The following KIAA0586 variants were observed in gnomAD, a reference collection of about 807,000 sequenced individuals.
KIAA0586 encodes protein TALPID3.
In KIAA0586, 144 loss-of-function variants were observed where a neutral mutation model predicts 169.8. That is an observed-to-expected ratio of 0.85 (90% CI 0.74 to 0.97). The LOEUF is 0.97. Ranked by LOEUF, KIAA0586 falls within the 50% of genes least tolerant of loss-of-function variation. KIAA0586 has a pLI of 0.00. For synonymous variants in KIAA0586, 625 were observed against 612.4 expected, an observed-to-expected ratio of 1.02 and a Z score of -0.30; for missense variants, 1,854 against 1,823.0, an observed-to-expected ratio of 1.02 and a Z score of -0.31.
At chr14:58,453,938 A>G (rs980701597) in intron 9 of KIAA0586, among the ~76,000 whole-genome samples, 1 of 152,172 alleles carries the variant, frequency 6.6e-6, no homozygotes, top group Non-Finnish European at 1.5e-5. Flanking sequence ...AATTATATTT[A>G]TCTTCAACAT....
intron 6 of KIAA0586, among the ~76,000 whole-genome samples, chr14:58,448,039 G>A (rs1311386530): frequency 2.0e-5 from 3 of 152,104 alleles, no homozygotes; most frequent in South Asian, 2.1e-4. Context: ...TCTCTTAGCC[G>A]GCTGCAATGG....
chr14:58,428,436 G>C lies in KIAA0586; in HGVS notation c.172G>C (p.Gly58Arg), dbSNP rs1430210269. The C allele has an allele frequency of 6.2e-7, 1 of 1,613,610 alleles. No individual in the cohort carries two copies. Among genetic ancestry groups the C allele is most frequent in the South Asian group, 1.1e-5 (1 of 91,084 alleles). The change falls in exon 1 of 31, where the codon GGG becomes CGG. Residue 58 changes from glycine (G) to arginine (R), a missense_variant. Gly to Arg is a moderately radical substitution (Grantham distance 125, BLOSUM62 -2). Coordinates refer to ENST00000652326, the MANE Select transcript of KIAA0586 (RefSeq NM_001329943.3). Reference protein sequence around the residue: ...SANKRLPVGTGTSLNGTSRGS... With the variant: ...SANKRLPVGTRTSLNGTSRGS... The stretch of plus-strand genomic sequence containing the variant: ...AAATAAACGTCTTCCTGTTGGAACG[G>C]GGACTAGTTTGAATGGAACATCACG...
intron 29 of KIAA0586, among the ~76,000 whole-genome samples, chr14:58,529,017 G>A (rs1257469342): frequency 2.0e-5 from 3 of 152,054 alleles, no homozygotes; most frequent in Admixed American, 6.5e-5. Context: ...AAATGATAAA[G>A]GGGACATCAC....
intron 26 of KIAA0586, among the ~76,000 whole-genome samples, chr14:58,496,930 TA>T (rs1566900111): frequency 1.3e-5 from 2 of 152,222 alleles, no homozygotes; most frequent in African/African-American, 2.4e-5. Flanking sequence ...AGGAGTCTTA[TA>T]TTTTTTCATT....
intron 4 of KIAA0586, 26 bp downstream of exon 4, chr14:58,432,483 T>C: frequency 1.6e-6 from 2 of 1,276,470 alleles, no homozygotes; most frequent in Non-Finnish European, 2.2e-6. Flanking sequence ...AGAAAATAAT[T>C]GGACCATTTC....
chr14:58,438,192 G>A (rs1462117244), intron 4 of KIAA0586, among the ~76,000 whole-genome samples: 2 of 152,084 alleles, frequency 1.3e-5, no homozygotes, highest in African/African-American at 4.8e-5. Flanking sequence ...CTTCTTAATG[G>A]GAGGGTTATG....
At chr14:58,427,555 C>G, upstream of KIAA0586, 2 of 1,524,154 alleles carry the variant, frequency 1.3e-6, no homozygotes. Flanking sequence ...AAATAAACCC[C>G]TGTTATGTCC....
chr14:58,556,458 G>A, the KIAA0586 span, among the ~76,000 whole-genome samples: 1 of 152,160 alleles, frequency 6.6e-6, no homozygotes, highest in African/African-American at 2.4e-5. Flanking sequence ...CTAGTGGAGA[G>A]CTCAATGAAT....
chr14:58,532,814 T>A (rs980952388), intron 29 of KIAA0586, among the ~76,000 whole-genome samples: 1 of 152,228 alleles, frequency 6.6e-6, no homozygotes, highest in African/African-American at 2.4e-5. Flanking sequence ...TGCAATTACT[T>A]GTGAATTATT....
At chr14:58,553,707 A>C (rs1411554366), downstream of KIAA0586, among the ~76,000 whole-genome samples, 1 of 152,046 alleles carries the variant, frequency 6.6e-6, no homozygotes, top group Non-Finnish European at 1.5e-5. Flanking sequence ...TTTTAGTTGA[A>C]AGTTCATTTT....
chr14:58,476,464 A>G (rs1029492672), intron 19 of KIAA0586, among the ~76,000 whole-genome samples: 2 of 152,072 alleles, frequency 1.3e-5, no homozygotes, highest in Non-Finnish European at 2.9e-5. Flanking sequence ...CTGATCTGAT[A>G]TGGTTTTTAT....
chr14:58,493,230 C>CT (rs990699618), intron 26 of KIAA0586, among the ~76,000 whole-genome samples: 7 of 151,804 alleles, frequency 4.6e-5, no homozygotes, highest in Admixed American at 2.0e-4. Context: ...GGTAAAGAAG[C>CT]TTTTTTTTAA....
At chr14:58,555,139 C>T (rs1388784968), downstream of KIAA0586, among the ~76,000 whole-genome samples, 8 of 121,402 alleles carry the variant, frequency 6.6e-5, no homozygotes, top group East Asian at 2.5e-4. Context: ...CTTGCTCTGT[C>T]GCCCAGGCTG....
At chr14:58,544,036 T>A in intron 30 of KIAA0586, 1 of 400,546 alleles carries the variant, frequency 2.5e-6, no homozygotes, top group Non-Finnish European at 4.9e-6. Flanking sequence ...CAGTCTCAAG[T>A]AGATCCCAGT....
intron 4 of KIAA0586, among the ~76,000 whole-genome samples, chr14:58,440,716 G>T (rs1325459264): frequency 6.6e-6 from 1 of 152,170 alleles, no homozygotes; most frequent in Non-Finnish European, 1.5e-5. Context: ...CCCTCTTGGG[G>T]ACATTATGCT....
At chr14:58,546,100 A>C (rs1238056108) in intron 30 of KIAA0586, among the ~76,000 whole-genome samples, 1 of 152,152 alleles carries the variant, frequency 6.6e-6, no homozygotes, top group Non-Finnish European at 1.5e-5. Flanking sequence ...ATCCTGACAA[A>C]CTGAAAAGAC....
At chr14:58,537,148 G>T (rs555281608) in intron 29 of KIAA0586, 2 of 1,079,194 alleles carry the variant, frequency 1.9e-6, no homozygotes, top group African/African-American at 1.7e-5. Context: ...AGTAAACCTC[G>T]TAAATCAACA....
In KIAA0586 at chr14:58,477,205, G is replaced by A. The variant is rs368808852; in HGVS notation, c.2908G>A (p.Val970Ile). The stretch of plus-strand genomic sequence containing the variant: ...GATTGCACCTAGTATCAGTGTTTCA[G>A]TCAGTGAGACAAGTGAACCACTGAC... ...QQIAPSISVS[V>I]SETSEPLTSD... is the part of the protein sequence containing the mutation. The change falls in exon 20 of 31, where the codon GTC (valine) becomes ATC (isoleucine). Residue 970 changes from valine (V) to isoleucine (I), a missense_variant. Physicochemically the swap from Val to Ile is conservative, Grantham distance 29. Coordinates refer to ENST00000652326, the MANE Select transcript of KIAA0586 (RefSeq NM_001329943.3). 2.5e-5 allele frequency: 39 copies of A among 1,576,504 alleles called. No homozygotes were observed. In the East Asian group the frequency reaches 2.7e-4, roughly 11 times the overall value.
rs1374496365 is a variant in KIAA0586 at position 58,448,635 on chromosome 14, A to AG, written c.961+142_961+143insG. ...TATAGGAGTTTTTGTTTTATAAAAC[A>AG]ATTTTTTTAAATGTTCTTTTTTTAA... On this transcript the variant is annotated intron_variant, in intron 7 of 30. Transcript: ENST00000652326. 168 of 352,878 alleles carry AG rather than the reference A, an allele frequency of 4.8e-4. No homozygotes were observed. In the African/African-American group the frequency reaches 9.0e-3, roughly 19 times the overall value. 21.9% of individuals were successfully genotyped at this position (352,878 alleles called of 1,614,324 possible).
Sources: gnomAD v4.1 joint callset for allele counts (sites outside exome capture counted in the v4.1 genomes callset) on GRCh38, gnomAD v4.1.1 for gene constraint, MANE v1.5 for transcripts, NCBI Gene and HGNC (gene_info 2026-07-23, HGNC 2026-07-21) for gene names.